STPG2: variants seen among roughly 807,000 people sequenced by gnomAD.
STPG2 encodes sperm-tail PG-rich repeat-containing protein 2.
In STPG2, 56 loss-of-function variants were observed where a neutral mutation model predicts 54.2. That is an observed-to-expected ratio of 1.03 (90% CI 0.83 to 1.29). The LOEUF is 1.29. Among genes scored for constraint, STPG2 ranks in the 50% most tolerant of loss-of-function variants. The pLI, the probability that STPG2 is intolerant of heterozygous loss-of-function variation, is 0.00. For missense variants in STPG2, 596 were observed against 544.9 expected (o/e 1.09, Z -0.93); for synonymous variants, 200 against 181.8 (o/e 1.10, Z -0.81).
chr4:98,019,002 T>C (rs1391003705), intron 5 of STPG2, among the ~76,000 whole-genome samples: 4 of 151,874 alleles, frequency 2.6e-5, no homozygotes, highest in Non-Finnish European at 4.4e-5. Flanking sequence ...TCTTTTGCTG[T>C]GCAGAAGCTC....
At chr4:97,559,217 C>G (rs540723778) in intron 10 of STPG2, 100 bp from the exon 11 acceptor site, 3 of 763,236 alleles carry the variant, frequency 3.9e-6, no homozygotes, top group Non-Finnish European at 6.4e-6. Context: ...ACGATTCTTA[C>G]AAAATTAGAA....
intron 4 of STPG2, among the ~76,000 whole-genome samples, chr4:97,467,693 T>C (rs1437852553): frequency 1.3e-5 from 2 of 151,908 alleles, no homozygotes. Flanking sequence ...ATTTAGATTG[T>C]TTTGTTGACT....
chr4:97,708,702 A>G (rs1360807884), intron 10 of STPG2, among the ~76,000 whole-genome samples: 1 of 151,810 alleles, frequency 6.6e-6, no homozygotes. Flanking sequence ...GCAATAGAGA[A>G]AATACTTTTT....
chr4:97,492,980 G>A (rs980864954), intron 4 of STPG2, among the ~76,000 whole-genome samples: 1 of 148,984 alleles, frequency 6.7e-6, no homozygotes, highest in African/African-American at 2.5e-5. Context: ...GGACTGTTTT[G>A]ACAAAGAACA....
At chr4:97,772,293 T>C (rs1240708910) in intron 9 of STPG2, among the ~76,000 whole-genome samples, 2 of 152,220 alleles carry the variant, frequency 1.3e-5, no homozygotes, top group African/African-American at 2.4e-5. Flanking sequence ...ATGTGTAACA[T>C]ATGTTGAAAT....
chr4:98,070,546 G>A (rs1407350107), intron 5 of STPG2, among the ~76,000 whole-genome samples: 1 of 141,034 alleles, frequency 7.1e-6, no homozygotes, highest in Non-Finnish European at 1.7e-5. Context: ...GAAATAAAGG[G>A]TATTCAAATA....
intron 10 of STPG2, among the ~76,000 whole-genome samples, chr4:97,595,565 T>C (rs570220822): frequency 2.6e-5 from 4 of 151,998 alleles, no homozygotes. Context: ...AACCTGCATG[T>C]TGTGCACATG....
chr4:97,757,291 T>C (rs953713991), intron 9 of STPG2, among the ~76,000 whole-genome samples: 1 of 152,160 alleles, frequency 6.6e-6, no homozygotes, highest in African/African-American at 2.4e-5. Flanking sequence ...CTTCCCCCCA[T>C]ATAAAGTTAA....
intron 5 of STPG2, among the ~76,000 whole-genome samples, chr4:98,065,849 G>C (rs1044364740): frequency 6.6e-6 from 1 of 151,968 alleles, no homozygotes; most frequent in Non-Finnish European, 1.5e-5. Flanking sequence ...ATTTAAGATG[G>C]ACTAAGCTCA....
chr4:97,502,097 AT>A (rs1481366692), intron 4 of STPG2, among the ~76,000 whole-genome samples: 4 of 152,048 alleles, frequency 2.6e-5, no homozygotes, highest in Non-Finnish European at 5.9e-5. Flanking sequence ...CACAAAGATA[AT>A]TGAATATATG....
chr4:97,939,083 A>G (rs1036131881), intron 8 of STPG2, among the ~76,000 whole-genome samples: 2 of 152,136 alleles, frequency 1.3e-5, no homozygotes, highest in African/African-American at 4.8e-5. Context: ...GTCATTCAGA[A>G]GCATGTTGTT....
At chr4:97,999,471 G>C (rs1200309907) in intron 5 of STPG2, among the ~76,000 whole-genome samples, 12 of 152,140 alleles carry the variant, frequency 7.9e-5, no homozygotes, top group Non-Finnish European at 1.5e-4. Flanking sequence ...GGGAGGCCGA[G>C]GTGGGCAGAT....
At chr4:98,026,241 G>A in intron 5 of STPG2, 1 of 971,408 alleles carries the variant, frequency 1.0e-6, no homozygotes, top group South Asian at 1.4e-5. Flanking sequence ...CCCCTCAAGA[G>A]CTCAGGAGTG....
rs180676932 is a variant in STPG2, at chr4:98,010,620, T to C, written c.613-29302A>G. ...TATGTGTTTTGGTTGAAGAATTTAA[T>C]ACTCTTACATTTAAAGTAATCATTG... On this transcript the variant is annotated intron_variant, in intron 5 of 10. Transcript: ENST00000295268. Among the ~76,000 whole-genome samples the C allele has an allele frequency of 2.6e-5, 4 of 152,340 alleles. No individual in the cohort carries two copies. In the East Asian group the frequency reaches 7.7e-4, roughly 29 times the overall value.
At chr4:98,084,567 TC>T (rs1161906380) in intron 5 of STPG2, among the ~76,000 whole-genome samples, 46 of 152,222 alleles carry the variant, frequency 3.0e-4, no homozygotes, top group African/African-American at 1.1e-3. Context: ...TATTTTACAT[TC>T]CCATAAGGGA....
chr4:97,603,526 A>G (rs919117494), intron 10 of STPG2, among the ~76,000 whole-genome samples: 3 of 151,686 alleles, frequency 2.0e-5, no homozygotes, highest in Non-Finnish European at 4.4e-5. Flanking sequence ...CAGTAGCATT[A>G]TTCAAGATAG....
At chr4:97,721,804 T>C (rs1439904934) in intron 9 of STPG2, among the ~76,000 whole-genome samples, 1 of 152,032 alleles carries the variant, frequency 6.6e-6, no homozygotes, top group African/African-American at 2.4e-5. Context: ...CATCAGAAAC[T>C]GTAAAACCTA....
At chr4:98,085,224 C>T (rs1738469476) in intron 5 of STPG2, among the ~76,000 whole-genome samples, 1 of 151,964 alleles carries the variant, frequency 6.6e-6, no homozygotes, top group South Asian at 2.1e-4. Context: ...TATTTTGGTA[C>T]CTTTGTCAAA....
chr4:97,564,090 G>T (rs765969394), intron 10 of STPG2, among the ~76,000 whole-genome samples: 1 of 152,138 alleles, frequency 6.6e-6, no homozygotes, highest in Non-Finnish European at 1.5e-5. Context: ...AGGTCACTGA[G>T]GACTTGCTTT....
Sources: allele counts gnomAD v4.1 joint callset (sites outside exome capture counted in the v4.1 genomes callset), GRCh38; gene constraint gnomAD v4.1.1; transcripts MANE v1.5; gene names NCBI Gene and HGNC (gene_info 2026-07-23, HGNC 2026-07-21).